DIP2A: variants seen among roughly 807,000 people sequenced by gnomAD.
The protein encoded by DIP2A is DIP2 acetate--CoA ligase A, also known as disco-interacting protein 2 homolog A.
DIP2A carries 85 observed loss-of-function variants against 177.4 expected under a neutral mutation model. The observed-to-expected ratio is 0.48, with a 90% CI of 0.40 to 0.57. DIP2A has a LOEUF of 0.57. Among genes scored for constraint, DIP2A ranks in the 20% least tolerant of loss-of-function variants. The probability of loss-of-function intolerance (pLI) is 0.00; values close to 1 mark genes in which losing one functional copy is unlikely to be tolerated. For missense variants in DIP2A, 1,791 were observed against 2,100.2 expected (o/e 0.85, Z 2.88); for synonymous variants, 886 against 881.8 (o/e 1.00, Z -0.08).
At chr21:46,495,642 T>G (rs2057316361) in intron 3 of DIP2A, among the ~76,000 whole-genome samples, 1 of 152,014 alleles carries the variant, frequency 6.6e-6, no homozygotes, top group African/African-American at 2.4e-5. Context: ...GGGTTCTCAC[T>G]CTGTCACCCA....
chr21:46,507,138 A>G (rs925205513), intron 6 of DIP2A, among the ~76,000 whole-genome samples: 1 of 152,162 alleles, frequency 6.6e-6, no homozygotes, highest in African/African-American at 2.4e-5. Flanking sequence ...AAGTCATCCC[A>G]TATGAGGTTT....
chr21:46,556,336 A>G lies in DIP2A; in HGVS notation c.3498+245A>G. ...TCTGATTTATGACTGTCTAGCTTACAGGAACTGGTGGCTTTGAAGAATCTC... is the reference window on the plus strand; with the variant it reads ...TCTGATTTATGACTGTCTAGCTTACGGGAACTGGTGGCTTTGAAGAATCTC... On this transcript the variant is annotated intron_variant, in intron 29 of 37. Transcript: ENST00000417564. This position sits in a 1 kb window ranked among gnomAD's most constrained non-coding sequence, Gnocchi z 4.5. 1 of 1,457,498 alleles carries G rather than the reference A, an allele frequency of 6.9e-7. No homozygotes were observed. 90.3% of individuals were successfully genotyped at this position (1,457,498 alleles called of 1,614,324 possible). A position where few individuals can be genotyped will look rare whatever the true frequency, so the allele number is the denominator to read the frequency against.
chr21:46,545,103 T>G (rs1462768770), intron 18 of DIP2A, 34 bp from the exon 19 acceptor site: 3 of 1,560,728 alleles, frequency 1.9e-6, no homozygotes, highest in Middle Eastern at 1.7e-4. Context: ...TTAAACACGT[T>G]CTTGATAATT....
At chr21:46,486,445 C>T (rs1378843634) in intron 2 of DIP2A, among the ~76,000 whole-genome samples, 2 of 152,228 alleles carry the variant, frequency 1.3e-5, no homozygotes, top group African/African-American at 4.8e-5. Context: ...TTTTCTGCCT[C>T]AGCCTTCCAA....
At position 46,550,551 on chromosome 21, in the gene DIP2A, T is replaced by C; in HGVS notation, c.2646T>C (p.Asp882=). The C allele has an allele frequency of 6.2e-7, 1 of 1,612,914 alleles. No homozygotes were observed. The highest frequency in any genetic ancestry group is 1.3e-5 in the African/African-American group (1 of 75,014). Residue 882 remains aspartate (D), a synonymous_variant, in exon 23 of 38, where the codon GAT becomes GAC. Transcript: ENST00000417564. ...QWMSRVLQAI[D]SIHQVGVYCL... ...GGGTCCTTCCCTTTCAGGCCATTGA[T>C]AGCATCCACCAGGTGGGCGTGTACT... is the stretch of plus-strand genomic sequence containing the variant.
At chr21:46,575,548 A>G in the DIP2A span, among the ~76,000 whole-genome samples, 1 of 152,222 alleles carries the variant, frequency 6.6e-6, no homozygotes, top group Admixed American at 6.5e-5. Context: ...TAGCACTAAT[A>G]AATTTAGCAA....
chr21:46,472,633 C>T (rs1033852849), intron 1 of DIP2A, among the ~76,000 whole-genome samples: 1 of 152,056 alleles, frequency 6.6e-6, no homozygotes, highest in Non-Finnish European at 1.5e-5. Flanking sequence ...GGAGGTGAAC[C>T]GAAGTTGAGT....
chr21:46,537,811 TG>T lies in DIP2A; in HGVS notation c.1801+275del, dbSNP rs2059635470. ...TTCTCTCAACGGTTGAGGTGCCTCC[TG>T]GGACCAAGCAGGAGGCCCCAGCATG... On this transcript the variant is annotated intron_variant, in intron 15 of 37. Transcript: ENST00000417564. The surrounding 1 kb of genome is among the most constrained non-coding windows in gnomAD (Gnocchi z 4.1). Among the ~76,000 whole-genome samples the T allele has an allele frequency of 6.6e-6, 1 of 152,114 alleles. No homozygotes were observed. The highest frequency in any genetic ancestry group is 1.5e-5 in the Non-Finnish European group (1 of 68,008).
chr21:46,540,098 G>T, intron 17 of DIP2A, 107 bp downstream of exon 17: 1 of 932,642 alleles, frequency 1.1e-6, no homozygotes, highest in Non-Finnish European at 1.7e-6. Context: ...AGGCCCATTT[G>T]TGCAGTAGTA....
the DIP2A span, among the ~76,000 whole-genome samples, chr21:46,576,813 C>T: frequency 6.6e-6 from 1 of 151,928 alleles, no homozygotes; most frequent in Admixed American, 6.6e-5. Context: ...TAATAGTTGC[C>T]ATTCTGACTG....
intron 1 of DIP2A, among the ~76,000 whole-genome samples, chr21:46,464,881 G>C (rs2054675879): frequency 7.8e-6 from 1 of 127,410 alleles, no homozygotes; most frequent in Non-Finnish European, 1.6e-5. Flanking sequence ...ATATGAGATA[G>C]GGAAGTTCTC....
At chr21:46,491,342 C>T (rs1205539496) in intron 3 of DIP2A, among the ~76,000 whole-genome samples, 1 of 151,982 alleles carries the variant, frequency 6.6e-6, no homozygotes, top group Non-Finnish European at 1.5e-5. Context: ...TTTGACAGGC[C>T]TTTTTCAGAA....
chr21:46,464,817 CTTTTTTTTTTTTTTTTT>C (rs1168153777), intron 1 of DIP2A, among the ~76,000 whole-genome samples: 1 of 73,442 alleles, frequency 1.4e-5, no homozygotes, highest in African/African-American at 6.1e-5. Context: ...ATATTCATGT[CTTTTTTTTTTTTTTTTT>C]TTTTTTTTTT....
At chr21:46,546,306 A>G in intron 20 of DIP2A, 2 of 1,065,198 alleles carry the variant, frequency 1.9e-6, no homozygotes. Context: ...TCTATTTGTA[A>G]CATCTTGGCC....
chr21:46,468,636 T>C (rs893585979), intron 1 of DIP2A, among the ~76,000 whole-genome samples: 1 of 152,146 alleles, frequency 6.6e-6, no homozygotes, highest in African/African-American at 2.4e-5. Flanking sequence ...GCATAGTGCA[T>C]ATAGTTAACA....
chr21:46,543,869 G>A (rs114351580), intron 18 of DIP2A, among the ~76,000 whole-genome samples: 1 of 152,322 alleles, frequency 6.6e-6, no homozygotes, highest in African/African-American at 2.4e-5. Context: ...CATCAGCCAA[G>A]CATGGCTGCA....
At position 46,557,271 on chromosome 21, in the gene DIP2A, A is replaced by T. The variant is rs921799854; in HGVS notation, c.3629+202A>T. On this transcript the variant is annotated intron_variant, in intron 30 of 37. Coordinates refer to ENST00000417564, the MANE Select transcript of DIP2A (RefSeq NM_015151.4). This position sits in a 1 kb window ranked among gnomAD's most constrained non-coding sequence, Gnocchi z 6.0. ...TTTTTCATTAAATACACTGTCCGTTATCAGTACTTGGGAAGAATCTGCTTG... is the reference window on the plus strand; with the variant it reads ...TTTTTCATTAAATACACTGTCCGTTTTCAGTACTTGGGAAGAATCTGCTTG... 41 of 655,762 alleles carry T rather than the reference A, an allele frequency of 6.3e-5. No homozygotes were observed. Among genetic ancestry groups the T allele is most frequent in the Non-Finnish European group, 9.2e-5 (36 of 392,244 alleles). 40.6% of individuals were successfully genotyped at this position (655,762 alleles called of 1,614,324 possible). A position where few individuals can be genotyped will look rare whatever the true frequency, so the allele number is the denominator to read the frequency against.
downstream of DIP2A, among the ~76,000 whole-genome samples, chr21:46,571,958 G>C (rs969740859): frequency 5.3e-5 from 8 of 152,130 alleles, no homozygotes; most frequent in Non-Finnish European, 8.8e-5. Flanking sequence ...TGGTGAGAAA[G>C]AGCATCCTTG....
chr21:46,517,041 G>GTGTT (rs1211698767), intron 8 of DIP2A, among the ~76,000 whole-genome samples: 1 of 135,484 alleles, frequency 7.4e-6, no homozygotes, highest in Non-Finnish European at 1.6e-5. Flanking sequence ...GCTCTTGTCT[G>GTGTT]TGTTTTCTCT....
Sources: allele counts gnomAD v4.1 joint callset (sites outside exome capture counted in the v4.1 genomes callset), GRCh38; gene constraint gnomAD v4.1.1; non-coding constraint Gnocchi (gnomAD v3.1); transcripts MANE v1.5; gene names NCBI Gene and HGNC (gene_info 2026-07-23, HGNC 2026-07-21).